NTM: variants seen among roughly 807,000 people sequenced by gnomAD.
NTM encodes the protein IgLON family member 2.
A neutral mutation model predicts 42.1 loss-of-function variants in NTM; 13 were observed. The observed-to-expected ratio is 0.31, with a 90% CI of 0.20 to 0.49. The LOEUF is 0.49. Among genes scored for constraint, NTM ranks in the 20% least tolerant of loss-of-function variants. The pLI, the probability that NTM is intolerant of heterozygous loss-of-function variation, is 0.99. For synonymous variants in NTM, 187 were observed against 179.2 expected (o/e 1.04, Z -0.35); for missense variants, 373 against 452.8 (o/e 0.82, Z 1.60).
chr11:131,984,956 T>G (rs585904), intron 2 of NTM, among the ~76,000 whole-genome samples: 150,664 of 152,270 alleles, frequency 0.99, 74,541 homozygotes, highest in East Asian at 1. Context: ...CGTCAAATCG[T>G]TAAGTAATAT....
intron 3 of NTM, among the ~76,000 whole-genome samples, chr11:132,202,872 A>C (rs2081367780): frequency 6.6e-6 from 1 of 152,144 alleles, no homozygotes; most frequent in Non-Finnish European, 1.5e-5. Flanking sequence ...TTTTTCCTAG[A>C]GCTTCAGGGT....
intron 1 of NTM, among the ~76,000 whole-genome samples, chr11:131,874,065 A>ATATATATATATATCTATC (rs1565659857): frequency 1.3e-4 from 8 of 60,190 alleles, no homozygotes; most frequent in African/African-American, 3.4e-4. Context: ...ATATATATAT[A>ATATATATATATATCTATC]TATCAGCAAC....
At chr11:132,039,098 G>A (rs775643082) in intron 2 of NTM, among the ~76,000 whole-genome samples, 2 of 152,184 alleles carry the variant, frequency 1.3e-5, no homozygotes, top group Non-Finnish European at 2.9e-5. Flanking sequence ...AGAACACTCT[G>A]CCCAGGGAGA....
chr11:131,486,006 C>CA (rs1954134656), intron 1 of NTM, among the ~76,000 whole-genome samples: 1 of 152,044 alleles, frequency 6.6e-6, no homozygotes, highest in African/African-American at 2.4e-5. Context: ...TGACATCTGA[C>CA]AGAGTTGTCG....
At chr11:131,959,822 C>T (rs1233724791) in intron 2 of NTM, among the ~76,000 whole-genome samples, 1 of 152,106 alleles carries the variant, frequency 6.6e-6, no homozygotes, top group Non-Finnish European at 1.5e-5. Context: ...AACATTGTTC[C>T]CCAAGATCCC....
chr11:131,540,366 C>T (rs924042801), intron 1 of NTM, among the ~76,000 whole-genome samples: 8 of 152,080 alleles, frequency 5.3e-5, no homozygotes, highest in Middle Eastern at 3.4e-3. Flanking sequence ...GGGGTTTCAC[C>T]GTATCAGCCA....
At chr11:131,835,020 GT>G (rs1212349331) in intron 1 of NTM, among the ~76,000 whole-genome samples, 1 of 152,010 alleles carries the variant, frequency 6.6e-6, no homozygotes, top group Non-Finnish European at 1.5e-5. Context: ...GTTCAGTATT[GT>G]TCTCAATACT....
At chr11:131,968,689 G>T (rs893278309) in intron 2 of NTM, among the ~76,000 whole-genome samples, 3 of 152,174 alleles carry the variant, frequency 2.0e-5, no homozygotes, top group African/African-American at 4.8e-5. Flanking sequence ...AAGCTATGGG[G>T]TTATTGCTGG....
At chr11:131,414,897 T>C (rs527593152) in intron 1 of NTM, among the ~76,000 whole-genome samples, 1 of 152,288 alleles carries the variant, frequency 6.6e-6, no homozygotes, top group South Asian at 2.1e-4. Flanking sequence ...ACAGTGCTGC[T>C]ACCCAGGCCT....
At chr11:132,034,456 T>A (rs1268560404) in intron 2 of NTM, among the ~76,000 whole-genome samples, 1 of 152,174 alleles carries the variant, frequency 6.6e-6, no homozygotes, top group Non-Finnish European at 1.5e-5. Context: ...ATTTGCAGGA[T>A]GTTGGAGATC....
intron 7 of NTM, among the ~76,000 whole-genome samples, chr11:132,326,628 G>A (rs1209968322): frequency 6.6e-6 from 1 of 152,160 alleles, no homozygotes; most frequent in Admixed American, 6.5e-5. Context: ...CAACCTTCTT[G>A]GGTGTAGGAG....
At chr11:131,691,358 A>C (rs1232247226) in intron 1 of NTM, among the ~76,000 whole-genome samples, 1 of 152,168 alleles carries the variant, frequency 6.6e-6, no homozygotes, top group Non-Finnish European at 1.5e-5. Flanking sequence ...CCGGATGATA[A>C]GGCAGCTTCT....
chr11:132,076,922 C>CT (rs1232443031), intron 2 of NTM, among the ~76,000 whole-genome samples: 7 of 152,068 alleles, frequency 4.6e-5, no homozygotes, highest in African/African-American at 1.2e-4. Context: ...TCTTTGAAGT[C>CT]TTTTTTTCCA....
At chr11:132,222,663 C>A (rs2085406102) in intron 4 of NTM, among the ~76,000 whole-genome samples, 1 of 152,144 alleles carries the variant, frequency 6.6e-6, no homozygotes, top group Non-Finnish European at 1.5e-5. Flanking sequence ...GCACTAGAAC[C>A]CGGAGTCCTG....
At chr11:132,167,079 A>G (rs1173582980) in intron 3 of NTM, among the ~76,000 whole-genome samples, 1 of 152,048 alleles carries the variant, frequency 6.6e-6, no homozygotes, top group African/African-American at 2.4e-5. Context: ...ATTCTATCCT[A>G]TTTTACTCTG....
intron 1 of NTM, among the ~76,000 whole-genome samples, chr11:131,799,079 CTTGT>C (rs964588974): frequency 6.6e-6 from 1 of 152,196 alleles, no homozygotes; most frequent in African/African-American, 2.4e-5. Context: ...AAAGCACTTT[CTTGT>C]TTAATTGTTA....
chr11:132,109,767 A>G (rs764718721), intron 2 of NTM, among the ~76,000 whole-genome samples: 9 of 151,968 alleles, frequency 5.9e-5, no homozygotes, highest in African/African-American at 1.4e-4. Flanking sequence ...ACTGTACCCA[A>G]TGTGTAGTCT....
intron 1 of NTM, among the ~76,000 whole-genome samples, chr11:131,706,049 A>G (rs892214660): frequency 6.6e-6 from 1 of 152,118 alleles, no homozygotes; most frequent in African/African-American, 2.4e-5. Context: ...TGACTGAACA[A>G]ATTATAAAAG....
chr11:131,664,417 T>G (rs2068626987), intron 1 of NTM, among the ~76,000 whole-genome samples: 1 of 152,220 alleles, frequency 6.6e-6, no homozygotes, highest in Non-Finnish European at 1.5e-5. Context: ...AGGTCTAGAA[T>G]TTTTGCCAAT....
Sources: allele counts gnomAD v4.1 joint callset (sites outside exome capture counted in the v4.1 genomes callset), GRCh38; gene constraint gnomAD v4.1.1; transcripts MANE v1.5; gene names NCBI Gene and HGNC (gene_info 2026-07-23, HGNC 2026-07-21).